The following MICAL3 variants were observed in gnomAD, a reference collection of about 807,000 sequenced individuals.
The protein encoded by MICAL3 is [F-actin]-monooxygenase MICAL3.
In MICAL3, 62 loss-of-function variants were observed where a neutral mutation model predicts 207.4. That is an observed-to-expected ratio of 0.30 (90% CI 0.24 to 0.37). The LOEUF is 0.37. MICAL3 is among the 10% of genes least tolerant of loss of function. The pLI is 1.00. For synonymous variants in MICAL3, 1,077 were observed against 1,069.3 expected (o/e 1.01, Z -0.14); for missense variants, 2,368 against 2,635.6 (o/e 0.90, Z 2.22).
intron 1 of MICAL3, among the ~76,000 whole-genome samples, chr22:17,962,679 A>G (rs1033352632): frequency 6.6e-6 from 1 of 152,158 alleles, no homozygotes; most frequent in South Asian, 2.1e-4. Context: ...GTGTAGTTTT[A>G]GGTGCTAGGA....
intron 1 of MICAL3, among the ~76,000 whole-genome samples, chr22:17,994,285 GT>G (rs917626137): frequency 5.3e-5 from 8 of 152,174 alleles, no homozygotes; most frequent in African/African-American, 1.9e-4. Flanking sequence ...ACGCTAAAGG[GT>G]AGCTGCCATT....
intron 1 of MICAL3, among the ~76,000 whole-genome samples, chr22:17,929,814 C>T (rs1329712715): frequency 3.9e-5 from 6 of 152,176 alleles, no homozygotes; most frequent in Admixed American, 6.5e-5. Context: ...GTGATCCACC[C>T]GCCTTGGCCT....
chr22:17,901,826 A>G, intron 5 of MICAL3, 52 bp downstream of exon 5: 1 of 1,398,216 alleles, frequency 7.2e-7, no homozygotes, highest in Non-Finnish European at 1.0e-6. Flanking sequence ...GAGGTAGGAT[A>G]GCATCAGCTT....
chr22:17,992,106 T>C (rs1921748018), intron 1 of MICAL3, among the ~76,000 whole-genome samples: 1 of 152,146 alleles, frequency 6.6e-6, no homozygotes, highest in South Asian at 2.1e-4. Flanking sequence ...CCCAGTCCAC[T>C]TGGGGCACCT....
At chr22:17,907,229 C>T (rs151190741) in intron 1 of MICAL3, among the ~76,000 whole-genome samples, 1 of 150,800 alleles carries the variant, frequency 6.6e-6, no homozygotes, top group Non-Finnish European at 1.5e-5. Flanking sequence ...GGGGGGGGGT[C>T]CCCACTGAAG....
intron 1 of MICAL3, among the ~76,000 whole-genome samples, chr22:17,973,719 G>A (rs767746305): frequency 1.3e-5 from 2 of 152,088 alleles, no homozygotes; most frequent in Admixed American, 6.6e-5. Flanking sequence ...AGTTGAGCCC[G>A]GGAGTTTGAC....
chr22:17,902,237 A>G lies in MICAL3; in HGVS notation c.590-258T>C, dbSNP rs1235017798. Among the ~76,000 whole-genome samples, 2 of 152,176 alleles carry G rather than the reference A, an allele frequency of 1.3e-5. No individual in the cohort carries two copies. Among genetic ancestry groups the G allele is most frequent in the African/African-American group, 4.8e-5 (2 of 41,448 alleles). On this transcript the variant is annotated intron_variant, in intron 4 of 31. Coordinates refer to ENST00000441493, the MANE Select transcript of MICAL3 (RefSeq NM_015241.3). This position sits in a 1 kb window ranked among gnomAD's most constrained non-coding sequence, Gnocchi z 4.5. The stretch of plus-strand genomic sequence containing the variant: ...AGCATGGTGAAACCCTGTCTCTACT[A>G]AAATACAAAAATTAGCCAGGCATGG...
Position 17,864,164 on chromosome 22 carries a change from T to C in MICAL3, c.2605+735A>G, listed in dbSNP as rs180934157. On this transcript the variant is annotated intron_variant, in intron 19 of 31. Coordinates refer to ENST00000441493, the MANE Select transcript of MICAL3 (RefSeq NM_015241.3). Reference sequence around the variant, plus strand: ...CAACAGGCCTGGTACCCACAAACCCTGCGAGTCCTGTCATGCTATGACAAG... The same window carrying C: ...CAACAGGCCTGGTACCCACAAACCCCGCGAGTCCTGTCATGCTATGACAAG... The C allele has an allele frequency of 1.2e-4, 119 of 989,166 alleles. No individual in the cohort carries two copies. The African/African-American group carries it at 1.9e-3, about 16-fold the overall frequency. 61.3% of individuals were successfully genotyped at this position (989,166 alleles called of 1,614,324 possible).
At chr22:17,842,150 T>C (rs1924081308) in intron 19 of MICAL3, 133 bp from the exon 20 acceptor site, 1 of 835,324 alleles carries the variant, frequency 1.2e-6, no homozygotes, top group Non-Finnish European at 1.9e-6. Context: ...ATTTGCAGAG[T>C]TGCCAGAGGC....
rs769467286 is a variant in MICAL3, at chr22:17,896,848, T to C, written c.1082A>G (p.Tyr361Cys). ...LPSLDFAINH[Y>C]GQPDVAMFDF... ...AAACATGGCCACATCGGGCTGCCCA[T>C]AGTGATTGATGGCAAAATCCAGAGA... is the stretch of plus-strand genomic sequence containing the variant. Residue 361 changes from tyrosine (Y) to cysteine (C), a missense_variant, in exon 8 of 32, where the codon TAT becomes TGT. By Grantham distance (194) the Tyr-to-Cys change is radical. This residue lies in a region of MICAL3 where 400 missense variants were observed against 547.0 expected (regional missense o/e 0.73). Coordinates refer to ENST00000441493, the MANE Select transcript of MICAL3 (RefSeq NM_015241.3). The C allele has an allele frequency of 1.9e-6, 3 of 1,613,976 alleles. No individual in the cohort carries two copies. Among genetic ancestry groups the C allele is most frequent in the African/African-American group, 1.3e-5 (1 of 74,886 alleles).
Position 17,841,516 on chromosome 22 carries a change from C to T in MICAL3, c.2801+306G>A, listed in dbSNP as rs1924006120. The T allele has an allele frequency of 7.4e-6, 4 of 536,938 alleles. No homozygotes were observed. The Admixed American group carries it at 9.2e-5, about 12-fold the overall frequency. 33.3% of individuals were successfully genotyped at this position (536,938 alleles called of 1,614,324 possible). Reference sequence around the variant, plus strand: ...CCCCGTGTGCCCGTCCTTCCCTCTGCTGAATCTGTGAATAACCCGGGGGCA... The same window carrying T: ...CCCCGTGTGCCCGTCCTTCCCTCTGTTGAATCTGTGAATAACCCGGGGGCA... On this transcript the variant is annotated intron_variant, in intron 20 of 31. Coordinates refer to ENST00000441493, the MANE Select transcript of MICAL3 (RefSeq NM_015241.3). This position sits in a 1 kb window ranked among gnomAD's most constrained non-coding sequence, Gnocchi z 4.2.
intron 1 of MICAL3, among the ~76,000 whole-genome samples, chr22:17,985,246 T>C (rs1936100689): frequency 6.6e-6 from 1 of 152,156 alleles, no homozygotes; most frequent in Non-Finnish European, 1.5e-5. Context: ...CCCTGCCTTT[T>C]GTGCAGCAGA....
intron 1 of MICAL3, among the ~76,000 whole-genome samples, chr22:17,918,014 C>A (rs2146291472): frequency 6.6e-6 from 1 of 152,358 alleles, no homozygotes; most frequent in South Asian, 2.1e-4. Context: ...CCGGATACAC[C>A]TGCTTTGTCC....
At chr22:17,795,886 A>G (rs1030777154) in intron 29 of MICAL3, among the ~76,000 whole-genome samples, 1 of 53,172 alleles carries the variant, frequency 1.9e-5, no homozygotes, top group Non-Finnish European at 3.5e-5. Flanking sequence ...AACCTGACTG[A>G]GCATGCATGG....
chr22:17,987,832 T>C (rs1199338437), intron 1 of MICAL3, among the ~76,000 whole-genome samples: 2 of 152,134 alleles, frequency 1.3e-5, no homozygotes, highest in African/African-American at 4.8e-5. Flanking sequence ...ACTGGAAGAA[T>C]GATAAAGCAA....
chr22:17,918,741 C>A (rs575098127), intron 1 of MICAL3, among the ~76,000 whole-genome samples: 8 of 152,286 alleles, frequency 5.3e-5, no homozygotes, highest in Non-Finnish European at 8.8e-5. Context: ...TCCCCACCTA[C>A]CAGACACCCT....
chr22:17,952,634 C>A (rs995470148), intron 1 of MICAL3, among the ~76,000 whole-genome samples: 3 of 152,256 alleles, frequency 2.0e-5, no homozygotes, highest in African/African-American at 7.2e-5. Context: ...AGCAGCTAAT[C>A]ATAAGCCATC....
intron 1 of MICAL3, among the ~76,000 whole-genome samples, chr22:18,011,197 A>C (rs1413860961): frequency 6.6e-6 from 1 of 152,226 alleles, no homozygotes; most frequent in African/African-American, 2.4e-5. Context: ...AGGCAGAGAG[A>C]TAAATGCTCT....
intron 19 of MICAL3, among the ~76,000 whole-genome samples, chr22:17,843,434 A>C (rs1924277362): frequency 6.6e-6 from 1 of 152,110 alleles, no homozygotes; most frequent in South Asian, 2.1e-4. Flanking sequence ...GGGCAACCCC[A>C]GGTCAGATTT....
Sources: allele counts gnomAD v4.1 joint callset (sites outside exome capture counted in the v4.1 genomes callset), GRCh38; gene constraint gnomAD v4.1.1; regional missense constraint gnomAD v4.1.1; non-coding constraint Gnocchi (gnomAD v3.1); transcripts MANE v1.5; gene names NCBI Gene and HGNC (gene_info 2026-07-23, HGNC 2026-07-21).